The following LRP1B variants were observed in gnomAD, a reference collection of about 807,000 sequenced individuals.
LRP1B encodes LDL receptor related protein 1B, also known as low-density lipoprotein receptor-related protein 1B.
Under a neutral mutation model 556.6 loss-of-function variants are expected in LRP1B, and 217 were observed. The ratio of observed to expected loss-of-function variants is 0.39; its 90% confidence interval spans 0.35 to 0.44. LRP1B has a LOEUF of 0.44. Ranked by LOEUF, LRP1B falls within the 20% of genes least tolerant of loss-of-function variation. The probability of loss-of-function intolerance (pLI) is 1.00; values close to 1 mark genes in which losing one functional copy is unlikely to be tolerated. For missense variants in LRP1B, 5,053 were observed against 5,620.8 expected, an observed-to-expected ratio of 0.90 and a Z score of 3.23; for synonymous variants, 2,047 against 1,865.8, an observed-to-expected ratio of 1.10 and a Z score of -2.50.
At chr2:140,263,733 C>A (rs961096424) in intron 86 of LRP1B, among the ~76,000 whole-genome samples, 1 of 151,832 alleles carries the variant, frequency 6.6e-6, no homozygotes, top group Non-Finnish European at 1.5e-5. Flanking sequence ...TGCCTCCTTT[C>A]TATCTGAGAC....
intron 18 of LRP1B, among the ~76,000 whole-genome samples, chr2:140,954,653 A>T (rs1695821220): frequency 6.6e-6 from 1 of 152,076 alleles, no homozygotes; most frequent in African/African-American, 2.4e-5. Context: ...TATATAAAAA[A>T]AGTTATCAAA....
intron 61 of LRP1B, 105 bp downstream of exon 61, chr2:140,457,357 TA>T: frequency 1.1e-6 from 1 of 880,634 alleles, no homozygotes; most frequent in Non-Finnish European, 1.8e-6. Context: ...TTAAATCTAG[TA>T]ATCTTCATCA....
intron 3 of LRP1B, among the ~76,000 whole-genome samples, chr2:141,394,473 T>C (rs368010546): frequency 2.0e-5 from 3 of 151,966 alleles, no homozygotes; most frequent in African/African-American, 7.2e-5. Context: ...TGAAATATGT[T>C]AAAAAAAATC....
intron 2 of LRP1B, among the ~76,000 whole-genome samples, chr2:141,527,211 T>TG (rs1344133240): frequency 2.6e-5 from 4 of 152,112 alleles, no homozygotes; most frequent in African/African-American, 9.7e-5. Context: ...TCACCACCTA[T>TG]GACACCGATG....
chr2:141,153,761 T>C (rs1701997311), intron 7 of LRP1B, among the ~76,000 whole-genome samples: 1 of 150,738 alleles, frequency 6.6e-6, no homozygotes, highest in African/African-American at 2.4e-5. Flanking sequence ...GCTGTTTGTA[T>C]TGTCTTAATC....
intron 1 of LRP1B, among the ~76,000 whole-genome samples, chr2:142,035,843 G>A (rs1338684871): frequency 6.6e-6 from 1 of 151,664 alleles, no homozygotes; most frequent in Non-Finnish European, 1.5e-5. Flanking sequence ...TCCCACGTGT[G>A]ATGGGAGGAA....
At chr2:140,494,629 A>T (rs1688838491) in intron 56 of LRP1B, among the ~76,000 whole-genome samples, 1 of 149,530 alleles carries the variant, frequency 6.7e-6, no homozygotes, top group African/African-American at 2.5e-5. Flanking sequence ...AAAAAAAAAA[A>T]TTGTCTCCAA....
At chr2:140,296,913 T>C (rs955227814) in intron 84 of LRP1B, among the ~76,000 whole-genome samples, 1 of 152,140 alleles carries the variant, frequency 6.6e-6, no homozygotes, top group African/African-American at 2.4e-5. Context: ...CAAGTAATGC[T>C]TCTGTTAAAA....
At chr2:141,486,628 C>T (rs932038037) in intron 2 of LRP1B, among the ~76,000 whole-genome samples, 2 of 152,034 alleles carry the variant, frequency 1.3e-5, no homozygotes, top group Admixed American at 1.3e-4. Context: ...GGTATTATAT[C>T]CCACCTTTTG....
intron 22 of LRP1B, among the ~76,000 whole-genome samples, chr2:140,905,347 C>A (rs545558516): frequency 1.3e-5 from 2 of 152,084 alleles, no homozygotes; most frequent in Non-Finnish European, 2.9e-5. Flanking sequence ...AAATTGTCTG[C>A]CTGAGAACGC....
At chr2:141,530,478 T>A (rs1015143969) in intron 2 of LRP1B, among the ~76,000 whole-genome samples, 9 of 152,088 alleles carry the variant, frequency 5.9e-5, no homozygotes, top group African/African-American at 2.2e-4. Context: ...TTATTTATTA[T>A]ACCAATAAAT....
intron 63 of LRP1B, among the ~76,000 whole-genome samples, chr2:140,445,051 C>T (rs940928763): frequency 6.6e-6 from 1 of 151,948 alleles, no homozygotes; most frequent in East Asian, 1.9e-4. Context: ...TTTAAGAAAT[C>T]ATTTCTCCTT....
At chr2:140,820,854 G>T in intron 31 of LRP1B, among the ~76,000 whole-genome samples, 1 of 149,048 alleles carries the variant, frequency 6.7e-6, no homozygotes, top group Non-Finnish European at 1.5e-5. Context: ...TGCCTTTTAT[G>T]CCTGCTTTTC....
chr2:141,924,623 G>A (rs569815122), intron 1 of LRP1B, among the ~76,000 whole-genome samples: 6 of 152,216 alleles, frequency 3.9e-5, no homozygotes, highest in South Asian at 2.1e-4. Flanking sequence ...CAAAACACGC[G>A]CCCTGGCTCC....
chr2:141,711,098 G>A (rs1392852601), intron 2 of LRP1B, among the ~76,000 whole-genome samples: 2 of 152,072 alleles, frequency 1.3e-5, no homozygotes, highest in African/African-American at 4.8e-5. Context: ...TACAGTGTCT[G>A]TCAGTTCCCC....
At chr2:141,960,448 C>T (rs1220521443) in intron 1 of LRP1B, among the ~76,000 whole-genome samples, 1 of 151,826 alleles carries the variant, frequency 6.6e-6, no homozygotes, top group Non-Finnish European at 1.5e-5. Flanking sequence ...AGGCTATTCT[C>T]CTAACAACAT....
At chr2:140,795,596 CA>C (rs1690276557) in intron 32 of LRP1B, among the ~76,000 whole-genome samples, 1 of 151,994 alleles carries the variant, frequency 6.6e-6, no homozygotes, top group South Asian at 2.1e-4. Flanking sequence ...GAGAGAAAAA[CA>C]AGTCTAAACA....
At chr2:141,850,620 C>CTGTG (rs1491253561) in intron 1 of LRP1B, among the ~76,000 whole-genome samples, 1 of 88,480 alleles carries the variant, frequency 1.1e-5, no homozygotes, top group Non-Finnish European at 2.3e-5. Context: ...CTAGCATAAA[C>CTGTG]TCTGTGTGTG....
chr2:141,826,354 G>GTTTTTTTTTT (rs70994454), intron 1 of LRP1B, among the ~76,000 whole-genome samples: 2 of 97,072 alleles, frequency 2.1e-5, no homozygotes, highest in African/African-American at 3.8e-5. Flanking sequence ...CTTTTCAGAA[G>GTTTTTTTTTT]TTTTTTTTTT....
Sources: allele counts gnomAD v4.1 joint callset (sites outside exome capture counted in the v4.1 genomes callset), GRCh38; gene constraint gnomAD v4.1.1; transcripts MANE v1.5; gene names NCBI Gene and HGNC (gene_info 2026-07-23, HGNC 2026-07-21).